The following RS1 variants were observed in gnomAD, a reference collection of about 807,000 sequenced individuals.
RS1 encodes the protein retinoschisin.
In RS1, 2 loss-of-function variants were observed where a neutral mutation model predicts 20.8. The observed-to-expected ratio is 0.10, with a 90% CI of 0.04 to 0.30. The LOEUF (loss-of-function observed/expected upper bound fraction) is 0.30. Among genes scored for constraint, RS1 ranks in the 10% least tolerant of loss-of-function variants. The probability of loss-of-function intolerance (pLI) is 1.00; values close to 1 mark genes in which losing one functional copy is unlikely to be tolerated. For synonymous variants in RS1, 70 were observed against 75.8 expected, an observed-to-expected ratio of 0.92 and a Z score of 0.40; for missense variants, 151 against 189.8, an observed-to-expected ratio of 0.80 and a Z score of 1.20.
rs886737281 is a variant in RS1 at position 18,640,146 on chromosome X, T to G, written c.*1858A>C. On this transcript the variant is annotated 3_prime_UTR_variant, in exon 6 of 6. Transcript: ENST00000379984. Reference sequence around the variant, plus strand: ...TTGTACACTTTAAATGGATACAAATTGTATGTGAACTTAATCTCAATAAAG... The same window carrying G: ...TTGTACACTTTAAATGGATACAAATGGTATGTGAACTTAATCTCAATAAAG... 9.0e-6 allele frequency: 1 copy of G among 111,495 alleles called. No individual in the cohort carries two copies. Among genetic ancestry groups the G allele is most frequent in the African/African-American group, 3.3e-5 (1 of 30,644 alleles). The allele number at this position is 111,495 out of a possible 1,213,427, so 9.2% of individuals were successfully genotyped here.
rs1038054158 is a variant in RS1, at chrX:18,641,128, C to A, written c.*876G>T. 2 of 112,390 alleles carry A rather than the reference C, an allele frequency of 1.8e-5. No individual in the cohort carries two copies. Among genetic ancestry groups the A allele is most frequent in the African/African-American group, 6.5e-5 (2 of 30,896 alleles). The allele number at this position is 112,390 out of a possible 1,213,427, so 9.3% of individuals were successfully genotyped here. On this transcript the variant is annotated 3_prime_UTR_variant, in exon 6 of 6. Coordinates refer to ENST00000379984, the MANE Select transcript of RS1 (RefSeq NM_000330.4). ...AGTGGTAGCTCCTGGGCCAGCTGTT[C>A]TCGAACTATGTTTGGTTTGCTAGGA...
At chrX:18,657,579 G>T in intron 2 of RS1, 61 bp downstream of exon 2, 2 of 892,220 alleles carry the variant, frequency 2.2e-6, no homozygotes, top group Non-Finnish European at 3.3e-6. Context: ...TGTTATTTTT[G>T]GCTAGGAAAA....
chrX:18,646,360 G>A (rs1342068099), intron 4 of RS1, among the ~76,000 whole-genome samples: 1 of 111,799 alleles, frequency 8.9e-6, no homozygotes, highest in Non-Finnish European at 1.9e-5. Context: ...CACCATGTTG[G>A]CTAAGCTGGT....
chrX:18,654,560 T>G (rs1460470638), intron 3 of RS1, among the ~76,000 whole-genome samples: 1 of 112,375 alleles, frequency 8.9e-6, no homozygotes. Flanking sequence ...TTCTGTCTCC[T>G]TGTCAGTGCC....
At position 18,641,890 on chromosome X, in the gene RS1, G is replaced by T; in HGVS notation, c.*114C>A. On this transcript the variant is annotated 3_prime_UTR_variant, in exon 6 of 6. Transcript: ENST00000379984. The stretch of plus-strand genomic sequence containing the variant: ...AAAAAATTATCTACCCAGCACTGCA[G>T]TTACAATTGCTTTGCGAAATATAGC... 2.4e-6 allele frequency: 2 copies of T among 823,654 alleles called. No homozygotes were observed. Among genetic ancestry groups the T allele is most frequent in the South Asian group, 4.2e-5 (2 of 47,895 alleles). The allele number at this position is 823,654 out of a possible 1,213,427, so 67.9% of individuals were successfully genotyped here. A position where few individuals can be genotyped will look rare whatever the true frequency, so the allele number is the denominator to read the frequency against.
At position 18,646,107 on chromosome X, in the gene RS1, G is replaced by A. The variant is rs1927762103; in HGVS notation, c.326+1084C>T. The A allele has an allele frequency of 2.5e-6, 3 of 1,209,362 alleles. No homozygotes were observed. Among genetic ancestry groups the A allele is most frequent in the East Asian group, 3.0e-5 (1 of 33,730 alleles). ...AACAACAAGGTAGAGTCTGGGCCCC[G>A]CATGCCATCAAGCTGCCATAACGAC... On this transcript the variant is annotated intron_variant, in intron 4 of 5. Coordinates refer to ENST00000379984, the MANE Select transcript of RS1 (RefSeq NM_000330.4).
intron 1 of RS1, among the ~76,000 whole-genome samples, chrX:18,669,252 A>G (rs2147208432): frequency 9.0e-6 from 1 of 110,506 alleles, no homozygotes; most frequent in African/African-American, 3.3e-5. Context: ...GCACTTTGGG[A>G]GGCCGAGGCA....
At position 18,645,425 on chromosome X, in the gene RS1, C is replaced by A. The variant is rs964080841; in HGVS notation, c.327-800G>T. Among the ~76,000 whole-genome samples the A allele has an allele frequency of 1.5e-4, 16 of 110,304 alleles. No homozygotes were observed. The East Asian group carries it at 4.3e-3, about 30-fold the overall frequency. On this transcript the variant is annotated intron_variant, in intron 4 of 5. Coordinates refer to ENST00000379984, the MANE Select transcript of RS1 (RefSeq NM_000330.4). ...CAGATGAAACACGTCCCAATGTGAG[C>A]CCCTAAGTGCCCCCACCCCACCCTG...
intron 1 of RS1, among the ~76,000 whole-genome samples, chrX:18,671,060 G>C (rs1021849727): frequency 8.9e-6 from 1 of 112,080 alleles, no homozygotes; most frequent in Non-Finnish European, 1.9e-5. Context: ...TAGGGAGGCT[G>C]AGGCAGGAGG....
chrX:18,652,635 C>T (rs762709688), intron 3 of RS1, among the ~76,000 whole-genome samples: 9 of 109,870 alleles, frequency 8.2e-5, no homozygotes, highest in Non-Finnish European at 1.1e-4. Flanking sequence ...TGCCACTGCA[C>T]TCCAGCTTGG....
intron 1 of RS1, among the ~76,000 whole-genome samples, chrX:18,663,032 C>CTTTTTTTTTT (rs55857398): frequency 2.7e-5 from 2 of 74,787 alleles, no homozygotes; most frequent in African/African-American, 1.3e-4. Context: ...AGAACAATGA[C>CTTTTTTTTTT]TTTTTTTTTT....
At chrX:18,655,944 C>T (rs1441727842) in intron 3 of RS1, among the ~76,000 whole-genome samples, 1 of 108,937 alleles carries the variant, frequency 9.2e-6, no homozygotes, top group Non-Finnish European at 1.9e-5. Context: ...TTCAAAATTC[C>T]AGGCTGCCTA....
intron 1 of RS1, among the ~76,000 whole-genome samples, chrX:18,658,511 A>C (rs1442914840): frequency 1.8e-5 from 2 of 109,861 alleles, no homozygotes; most frequent in Non-Finnish European, 3.8e-5. Context: ...GCTGGAGTAC[A>C]ATGGCGCGAT....
At chrX:18,648,324 C>T (rs1306301940) in intron 3 of RS1, among the ~76,000 whole-genome samples, 1 of 110,874 alleles carries the variant, frequency 9.0e-6, no homozygotes, top group Non-Finnish European at 1.9e-5. Context: ...CCACTGCAAC[C>T]TCTGCCTCCT....
Position 18,658,525 on chromosome X carries a change from G to A in RS1, c.53-860C>T, listed in dbSNP as rs763269355. On this transcript the variant is annotated intron_variant, in intron 1 of 5. Transcript: ENST00000379984. ...GGCTGGAGTACAATGGCGCGATCTC[G>A]GCTCACTGCAACCTCCGCCTCCTGG... 9.1e-5 allele frequency among the ~76,000 whole-genome samples: 10 copies of A among 109,563 alleles called. No homozygotes were observed. In the South Asian group the frequency reaches 1.2e-3, roughly 13 times the overall value.
intron 1 of RS1, among the ~76,000 whole-genome samples, chrX:18,671,210 A>AT (rs1216674379): frequency 1.1e-4 from 12 of 111,729 alleles, no homozygotes; most frequent in Admixed American, 9.6e-4. Flanking sequence ...TTTTTAATTT[A>AT]TTTTCTATAA....
At chrX:18,670,545 C>G (rs1196577992) in intron 1 of RS1, among the ~76,000 whole-genome samples, 1 of 110,822 alleles carries the variant, frequency 9.0e-6, no homozygotes, top group Non-Finnish European at 1.9e-5. Flanking sequence ...CAATGTTTGC[C>G]CCCTAGCAGA....
intron 2 of RS1, 151 bp from the exon 3 acceptor site, chrX:18,656,909 C>T (rs756108745): frequency 2.0e-6 from 1 of 505,629 alleles, no homozygotes; most frequent in African/African-American, 2.3e-5. Context: ...CCTCAATACA[C>T]ACAGCTACCA....
intron 1 of RS1, among the ~76,000 whole-genome samples, chrX:18,665,114 A>AC (rs1928383275): frequency 9.0e-6 from 1 of 111,280 alleles, no homozygotes; most frequent in African/African-American, 3.3e-5. Context: ...CTAAATCCCT[A>AC]CCATCCTATG....
Sources: gnomAD v4.1 joint callset for allele counts (sites outside exome capture counted in the v4.1 genomes callset) on GRCh38, gnomAD v4.1.1 for gene constraint, MANE v1.5 for transcripts, NCBI Gene and HGNC (gene_info 2026-07-23, HGNC 2026-07-21) for gene names.